SEMA3A: variants seen among roughly 807,000 people sequenced by gnomAD.
The protein encoded by SEMA3A is semaphorin-3A.
Under a neutral mutation model 97.9 loss-of-function variants are expected in SEMA3A, and 29 were observed. The ratio of observed to expected loss-of-function variants is 0.30; its 90% CI spans 0.22 to 0.40. SEMA3A has a LOEUF of 0.40. Among genes scored for constraint, SEMA3A ranks in the 10% least tolerant of loss-of-function variants. The pLI is 1.00. For missense variants in SEMA3A, 763 were observed against 951.3 expected (o/e 0.80, Z 2.60); for synonymous variants, 321 against 323.7 (o/e 0.99, Z 0.09).
intron 3 of SEMA3A, among the ~76,000 whole-genome samples, chr7:84,290,262 T>C (rs917768553): frequency 1.1e-4 from 17 of 152,070 alleles, no homozygotes; most frequent in African/African-American, 4.1e-4. Flanking sequence ...AATAAAGCTG[T>C]TTTTACAACC....
At chr7:84,480,285 GA>G (rs1806411075) in intron 1 of SEMA3A, among the ~76,000 whole-genome samples, 1 of 152,148 alleles carries the variant, frequency 6.6e-6, no homozygotes, top group Non-Finnish European at 1.5e-5. Flanking sequence ...ATTGCAGAAG[GA>G]AGGTATACTA....
chr7:84,235,216 G>C (rs1799207503), intron 3 of SEMA3A, among the ~76,000 whole-genome samples: 1 of 151,936 alleles, frequency 6.6e-6, no homozygotes, highest in Non-Finnish European at 1.5e-5. Flanking sequence ...AAGTATAGTA[G>C]ACTAGTATGC....
intron 3 of SEMA3A, among the ~76,000 whole-genome samples, chr7:84,209,148 ATC>A (rs1798565748): frequency 6.6e-6 from 1 of 152,192 alleles, no homozygotes; most frequent in South Asian, 2.1e-4. Flanking sequence ...CCTGCATAGA[ATC>A]TGGAATGAAA....
intron 1 of SEMA3A, among the ~76,000 whole-genome samples, chr7:84,407,575 C>T (rs919996903): frequency 6.6e-6 from 1 of 151,068 alleles, no homozygotes; most frequent in Non-Finnish European, 1.5e-5. Context: ...AAAAAGAGCC[C>T]ACATTGCCAA....
Position 84,412,890 on chromosome 7 carries a change from C to A in SEMA3A, c.-245-40990G>T, listed in dbSNP as rs373018677. 1.5e-4 allele frequency among the ~76,000 whole-genome samples: 23 copies of A among 152,032 alleles called. No individual in the cohort carries two copies. In the South Asian group the frequency reaches 2.1e-3, roughly 14 times the overall value. On this transcript the variant is annotated intron_variant, in intron 1 of 3. Transcript: ENST00000424555. ...AAGCTGGTATAAATTTGGAAAGAGT[C>A]CTGCATAAAGATGTTTCACAACTTC...
chr7:84,050,279 G>C (rs1229829663), intron 5 of SEMA3A, among the ~76,000 whole-genome samples: 2 of 152,124 alleles, frequency 1.3e-5, no homozygotes. Context: ...CTGAAGAATT[G>C]CCACACTGAC....
intron 13 of SEMA3A, among the ~76,000 whole-genome samples, 181 bp from the exon 14 acceptor site, chr7:83,981,659 C>G (rs1262697953): frequency 1.3e-5 from 2 of 152,114 alleles, no homozygotes; most frequent in East Asian, 1.9e-4. Flanking sequence ...TAAAATGGAG[C>G]AAGAGCAAGT....
intron 6 of SEMA3A, among the ~76,000 whole-genome samples, chr7:84,032,969 G>A (rs1365612797): frequency 6.6e-6 from 1 of 151,930 alleles, no homozygotes; most frequent in Non-Finnish European, 1.5e-5. Flanking sequence ...TGAGTTTTAA[G>A]TTGTTGTTTT....
chr7:83,968,505 A>C (rs1157654227), intron 15 of SEMA3A, among the ~76,000 whole-genome samples: 1 of 151,994 alleles, frequency 6.6e-6, no homozygotes, highest in Non-Finnish European at 1.5e-5. Flanking sequence ...AGATTCTTTT[A>C]TTTTGAAATG....
intron 3 of SEMA3A, among the ~76,000 whole-genome samples, chr7:84,264,101 A>G (rs888397484): frequency 2.0e-5 from 3 of 152,138 alleles, no homozygotes; most frequent in African/African-American, 7.2e-5. Flanking sequence ...TAGTATATAT[A>G]TTTTTATTTT....
At position 84,445,493 on chromosome 7, in the gene SEMA3A, C is replaced by CAAAAAAAAAAAAAAAAAA. The variant is rs61298477; in HGVS notation, c.-246+46949_-246+46966dup. Among the ~76,000 whole-genome samples, 95 of 27,588 alleles carry CAAAAAAAAAAAAAAAAAA rather than the reference C, an allele frequency of 3.4e-3. 3 individuals are homozygous for CAAAAAAAAAAAAAAAAAA. The highest frequency in any genetic ancestry group is 5.4e-3 in the Non-Finnish European group (69 of 12,682). The allele number at this position is 27,588 out of a possible 152,430, so 18.1% of individuals were successfully genotyped here. Reference sequence around the variant, plus strand: ...TGGGCGACAGAGTGAGACTCCATCTCAAAAAAAAAAAAAAAAAAAAAAAAA... The same window carrying CAAAAAAAAAAAAAAAAAA: ...TGGGCGACAGAGTGAGACTCCATCTCAAAAAAAAAAAAAAAAAAAAAAAAAAAAAAAAAAAAAAAAAAA... On this transcript the variant is annotated intron_variant, in intron 1 of 3. Coordinates refer to the SEMA3A transcript ENST00000424555.
chr7:84,114,559 G>A (rs754899116), intron 3 of SEMA3A, among the ~76,000 whole-genome samples: 1 of 151,630 alleles, frequency 6.6e-6, no homozygotes, highest in African/African-American at 2.4e-5. Context: ...ATCATGATGG[G>A]TGGATACATT....
chr7:83,972,088 G>C (rs1215858907), intron 15 of SEMA3A, among the ~76,000 whole-genome samples: 2 of 151,696 alleles, frequency 1.3e-5, no homozygotes, highest in Non-Finnish European at 2.9e-5. Flanking sequence ...CATATACATA[G>C]ATATAGGTAT....
intron 2 of SEMA3A, among the ~76,000 whole-genome samples, chr7:84,337,665 A>G (rs1293325652): frequency 6.6e-6 from 1 of 152,090 alleles, no homozygotes; most frequent in Non-Finnish European, 1.5e-5. Context: ...TCAATGAAGC[A>G]AGCTTGCATT....
intron 6 of SEMA3A, among the ~76,000 whole-genome samples, chr7:84,037,535 T>G (rs1791984448): frequency 6.6e-6 from 1 of 152,096 alleles, no homozygotes. Flanking sequence ...GGATTTAAAA[T>G]AATTCAGAGA....
intron 11 of SEMA3A, among the ~76,000 whole-genome samples, chr7:84,002,705 G>A (rs6977169): frequency 0.24 from 36,983 of 151,908 alleles, 4,668 homozygotes; most frequent in South Asian, 0.31. Context: ...TATTACTGTG[G>A]TTTTTCAAAA....
intron 3 of SEMA3A, among the ~76,000 whole-genome samples, chr7:84,299,132 GC>G (rs1472106229): frequency 6.6e-6 from 1 of 151,812 alleles, no homozygotes; most frequent in Non-Finnish European, 1.5e-5. Flanking sequence ...TGGCTTCCTT[GC>G]TTCTTAACTT....
At chr7:84,432,234 T>C (rs1417621561) in intron 1 of SEMA3A, among the ~76,000 whole-genome samples, 2 of 152,122 alleles carry the variant, frequency 1.3e-5, no homozygotes, top group Non-Finnish European at 2.9e-5. Context: ...AGATATGTGT[T>C]GCAGAGAGAA....
At chr7:84,024,564 C>G (rs11971592) in intron 6 of SEMA3A, among the ~76,000 whole-genome samples, 84 of 151,862 alleles carry the variant, frequency 5.5e-4, no homozygotes, top group African/African-American at 1.9e-3. Context: ...AATGCCCCCC[C>G]ACAATAAAAG....
Sources: allele counts gnomAD v4.1 joint callset (sites outside exome capture counted in the v4.1 genomes callset), GRCh38; gene constraint gnomAD v4.1.1; transcripts MANE v1.5; gene names NCBI Gene and HGNC (gene_info 2026-07-23, HGNC 2026-07-21).